Variants in TOLLIP observed in about 807,000 individuals in gnomAD.
The protein encoded by TOLLIP is toll-interacting protein.
A neutral mutation model predicts 33.5 loss-of-function variants in TOLLIP; 16 were observed. The ratio of observed to expected loss-of-function variants is 0.48; its 90% CI spans 0.32 to 0.72. TOLLIP has a LOEUF of 0.72. Ranked by LOEUF, TOLLIP falls within the 30% of genes least tolerant of loss-of-function variation. The pLI is 0.03. For synonymous variants in TOLLIP, 176 were observed against 163.7 expected, an observed-to-expected ratio of 1.07 and a Z score of -0.57; for missense variants, 325 against 396.6, an observed-to-expected ratio of 0.82 and a Z score of 1.53.
intron 1 of TOLLIP, among the ~76,000 whole-genome samples, chr11:1,305,516 G>A (rs5743881): frequency 0.072 from 10,909 of 152,272 alleles, 454 homozygotes; most frequent in Middle Eastern, 0.11. Flanking sequence ...TTTCTTTCAC[G>A]AATTGTGTTT....
rs531893712 is a variant in TOLLIP, at chr11:1,292,890, C to T, written c.184-2481G>A. On this transcript the variant is annotated intron_variant, in intron 2 of 5. Coordinates refer to ENST00000317204, the MANE Select transcript of TOLLIP (RefSeq NM_019009.4). ...GATCTGGAGGAAGAGCTGCAGGAAG[C>T]GGGAGGAGAACGGCCAGGGAAGAGG... is the stretch of plus-strand genomic sequence containing the variant. Among the ~76,000 whole-genome samples the T allele has an allele frequency of 7.9e-5, 12 of 152,322 alleles. No homozygotes were observed. In the South Asian group the frequency reaches 1.7e-3, roughly 21 times the overall value.
intron 2 of TOLLIP, among the ~76,000 whole-genome samples, chr11:1,293,882 G>A (rs1308703960): frequency 6.6e-6 from 1 of 152,268 alleles, no homozygotes; most frequent in African/African-American, 2.4e-5. Context: ...TGGGTGGGCA[G>A]AGGGATCGGC....
chr11:1,288,257 T>A (rs1171770843), intron 4 of TOLLIP, among the ~76,000 whole-genome samples: 2 of 152,156 alleles, frequency 1.3e-5, no homozygotes, highest in Non-Finnish European at 2.9e-5. Context: ...CAGGGCTGTA[T>A]CTCAGACCCT....
At chr11:1,288,596 C>A in intron 4 of TOLLIP, 28 bp downstream of exon 4, 1 of 1,590,466 alleles carries the variant, frequency 6.3e-7, no homozygotes. Context: ...CCCCAATGCG[C>A]CCCACCCCGC....
chr11:1,304,646 C>G (rs1051309700), intron 1 of TOLLIP, among the ~76,000 whole-genome samples: 3 of 152,218 alleles, frequency 2.0e-5, no homozygotes, highest in African/African-American at 7.2e-5. Flanking sequence ...AGCCAGAGTT[C>G]ACTCAGAGAC....
chr11:1,285,959 G>T lies in TOLLIP; in HGVS notation c.610+43C>A. The T allele has an allele frequency of 2.0e-6, 3 of 1,506,284 alleles. No individual in the cohort carries two copies. In the African/African-American group the frequency reaches 4.1e-5, roughly 21 times the overall value. 93.3% of individuals were successfully genotyped at this position (1,506,284 alleles called of 1,614,324 possible). On this transcript the variant is annotated intron_variant, in intron 5 of 5. Coordinates refer to ENST00000317204, the MANE Select transcript of TOLLIP (RefSeq NM_019009.4). ...TCCCGCACCTGCCCTAGGCCCTGGGGTTTCTACCAGGGGAGAGGCACCCAG... is the reference window on the plus strand; with the variant it reads ...TCCCGCACCTGCCCTAGGCCCTGGGTTTTCTACCAGGGGAGAGGCACCCAG...
rs1053469823 is a variant in TOLLIP, at chr11:1,286,110, T to C, written c.520-18A>G. On this transcript the variant is annotated intron_variant, in intron 4 of 5. Transcript: ENST00000317204. ...GGAAGCAGCTGAAACACAGCGGAGA[T>C]GGTCCCGGGGTCAAGGAGGAACATC... 2 of 1,575,350 alleles carry C rather than the reference T, an allele frequency of 1.3e-6. No homozygotes were observed. The highest frequency in any genetic ancestry group is 1.3e-5 in the African/African-American group (1 of 74,594).
rs1863288141 is a variant in TOLLIP at position 1,276,010 on chromosome 11, A to G, written c.*1029T>C. 6.6e-6 allele frequency: 1 copy of G among 152,222 alleles called. No individual in the cohort carries two copies. Among genetic ancestry groups the G allele is most frequent in the South Asian group, 2.1e-4 (1 of 4,832 alleles). The allele number at this position is 152,222 out of a possible 1,614,324, so 9.4% of individuals were successfully genotyped here. Reference sequence around the variant, plus strand: ...CACCTAAAATCTGTCCTGTAGGCCAAGATGCTACACGCAGCGCCCAGGCAG... The same window carrying G: ...CACCTAAAATCTGTCCTGTAGGCCAGGATGCTACACGCAGCGCCCAGGCAG... On this transcript the variant is annotated 3_prime_UTR_variant, in exon 6 of 6. Transcript: ENST00000317204.
intron 3 of TOLLIP, 111 bp from the exon 4 acceptor site, chr11:1,288,887 G>A (rs533506541): frequency 1.6e-6 from 2 of 1,225,406 alleles, no homozygotes; most frequent in South Asian, 1.5e-5. Context: ...TGTGGAACAG[G>A]GCTCCCACCT....
At chr11:1,307,124 C>A (rs1478640690) in intron 1 of TOLLIP, among the ~76,000 whole-genome samples, 1 of 152,212 alleles carries the variant, frequency 6.6e-6, no homozygotes, top group African/African-American at 2.4e-5. Flanking sequence ...CCATCCTGAA[C>A]GCCACAGTTG....
intron 1 of TOLLIP, among the ~76,000 whole-genome samples, chr11:1,296,237 C>G (rs1864109193): frequency 1.3e-5 from 2 of 152,216 alleles, no homozygotes; most frequent in East Asian, 1.9e-4. Flanking sequence ...TTTGGAAAAC[C>G]CTCTGCTGAT....
chr11:1,305,219 T>C (rs1433850575), intron 1 of TOLLIP, among the ~76,000 whole-genome samples: 7 of 152,086 alleles, frequency 4.6e-5, no homozygotes, highest in Non-Finnish European at 1.0e-4. Flanking sequence ...GCCTAAAAAA[T>C]CCAGCGCAAA....
intron 5 of TOLLIP, among the ~76,000 whole-genome samples, chr11:1,285,116 G>A (rs938999538): frequency 1.3e-5 from 2 of 152,156 alleles, no homozygotes; most frequent in African/African-American, 4.8e-5. Flanking sequence ...AGCAGCCGGG[G>A]CCTCATGCAG....
intron 5 of TOLLIP, among the ~76,000 whole-genome samples, chr11:1,280,205 G>A (rs1469564500): frequency 5.9e-5 from 9 of 152,192 alleles, no homozygotes; most frequent in Non-Finnish European, 1.3e-4. Flanking sequence ...CTCCCTATTC[G>A]CTGGAATTCC....
intron 1 of TOLLIP, among the ~76,000 whole-genome samples, chr11:1,302,382 G>A (rs1162552059): frequency 6.6e-6 from 1 of 152,252 alleles, no homozygotes; most frequent in Non-Finnish European, 1.5e-5. Context: ...CCCCAGGCCT[G>A]CACACTCACG....
intron 2 of TOLLIP, among the ~76,000 whole-genome samples, chr11:1,292,594 T>C (rs1863984220): frequency 6.6e-6 from 1 of 152,244 alleles, no homozygotes; most frequent in South Asian, 2.1e-4. Flanking sequence ...TCGATGTTTA[T>C]GGAAGCATCT....
chr11:1,309,448 C>T lies in TOLLIP; in HGVS notation c.33+18G>A, dbSNP rs1438732040. On this transcript the variant is annotated intron_variant, in intron 1 of 5. Coordinates refer to ENST00000317204, the MANE Select transcript of TOLLIP (RefSeq NM_019009.4). ...CGCAGGTCACCGCCCCCGCCCGACCCTCGCCCGGCTGCCTCACCGGCCCGC... is the reference window on the plus strand; with the variant it reads ...CGCAGGTCACCGCCCCCGCCCGACCTTCGCCCGGCTGCCTCACCGGCCCGC... The T allele has an allele frequency of 7.7e-7, 1 of 1,306,110 alleles. No homozygotes were observed. Among genetic ancestry groups the T allele is most frequent in the Admixed American group, 3.2e-5 (1 of 30,992 alleles). 80.9% of individuals were successfully genotyped at this position (1,306,110 alleles called of 1,614,324 possible).
intron 1 of TOLLIP, among the ~76,000 whole-genome samples, chr11:1,296,388 C>T (rs188665751): frequency 5.4e-4 from 83 of 152,374 alleles, no homozygotes; most frequent in African/African-American, 2.0e-3. Context: ...TCCACCACTG[C>T]CACTTCTGAG....
intron 1 of TOLLIP, among the ~76,000 whole-genome samples, chr11:1,307,612 T>A (rs1864452953): frequency 6.6e-6 from 1 of 152,238 alleles, no homozygotes; most frequent in Non-Finnish European, 1.5e-5. Flanking sequence ...CTGGCCACCA[T>A]GCCCCCCTGC....
Sources: gnomAD v4.1 joint callset for allele counts (sites outside exome capture counted in the v4.1 genomes callset) on GRCh38, gnomAD v4.1.1 for gene constraint, MANE v1.5 for transcripts, NCBI Gene and HGNC (gene_info 2026-07-23, HGNC 2026-07-21) for gene names.